The following TTC9C variants were observed in gnomAD, a reference collection of about 807,000 sequenced individuals.
The protein encoded by TTC9C is tetratricopeptide repeat domain 9C, also known as tetratricopeptide repeat protein 9C.
Under a neutral mutation model 22.5 loss-of-function variants are expected in TTC9C, and 15 were observed. The observed-to-expected ratio is 0.67, with a 90% CI of 0.45 to 1.03. The LOEUF is 1.03. TTC9C is among the 50% of genes least tolerant of loss of function. The probability of loss-of-function intolerance (pLI) is 0.00; values close to 1 mark genes in which losing one functional copy is unlikely to be tolerated. For missense variants in TTC9C, 244 were observed against 214.6 expected (o/e 1.14, Z -0.86); for synonymous variants, 92 against 86.8 (o/e 1.06, Z -0.33).
chr11:62,728,488 T>A lies in TTC9C; in HGVS notation c.-361T>A, dbSNP rs1293061606. ...GGTCCAATAGAAAGGCGGAAGCCAG[T>A]GTCCCAGGCGTTCTCACGCCCGCAA... On this transcript the variant is annotated 5_prime_UTR_variant, in exon 1 of 3. Coordinates refer to ENST00000316461, the MANE Select transcript of TTC9C (RefSeq NM_173810.4). 2.1e-6 allele frequency: 1 copy of A among 477,796 alleles called. No individual in the cohort carries two copies. Among genetic ancestry groups the A allele is most frequent in the African/African-American group, 2.0e-5 (1 of 51,056 alleles). 29.6% of individuals were successfully genotyped at this position (477,796 alleles called of 1,614,324 possible).
Position 62,728,731 on chromosome 11 carries a change from A to C in TTC9C, c.-118A>C, listed in dbSNP as rs1201703897. ...GTCCCTGTGGGGGGACTCTCCAGGAAGAAGGGTAATTTCCTGCCTCCTTAA... is the reference window on the plus strand; with the variant it reads ...GTCCCTGTGGGGGGACTCTCCAGGACGAAGGGTAATTTCCTGCCTCCTTAA... On this transcript the variant is annotated 5_prime_UTR_variant, in exon 1 of 3. Transcript: ENST00000316461. 1.0e-6 allele frequency: 1 copy of C among 986,336 alleles called. No individual in the cohort carries two copies. Among genetic ancestry groups the C allele is most frequent in the African/African-American group, 1.6e-5 (1 of 62,416 alleles). The allele number at this position is 986,336 out of a possible 1,614,324, so 61.1% of individuals were successfully genotyped here.
chr11:62,729,822 C>G (rs902812640), intron 1 of TTC9C, among the ~76,000 whole-genome samples: 1 of 152,072 alleles, frequency 6.6e-6, no homozygotes, highest in Non-Finnish European at 1.5e-5. Context: ...GTAATCCACG[C>G]GCCTCTACCT....
chr11:62,732,115 T>C (rs375577468), intron 1 of TTC9C, among the ~76,000 whole-genome samples: 10 of 132,396 alleles, frequency 7.6e-5, no homozygotes, highest in East Asian at 4.6e-4. Flanking sequence ...CCTGCCTCAG[T>C]CTCCCGAGTA....
chr11:62,735,024 G>C (rs2083894473), intron 1 of TTC9C, among the ~76,000 whole-genome samples: 1 of 152,148 alleles, frequency 6.6e-6, no homozygotes, highest in Non-Finnish European at 1.5e-5. Flanking sequence ...ACCCTCCCGA[G>C]TAGCTGGGAT....
chr11:62,731,460 G>T (rs932119929), intron 1 of TTC9C, among the ~76,000 whole-genome samples: 2 of 152,080 alleles, frequency 1.3e-5, no homozygotes, highest in African/African-American at 4.8e-5. Flanking sequence ...AGCCAGGCAT[G>T]GTTGTGCTTG....
chr11:62,728,545 TC>T lies in TTC9C; in HGVS notation c.-303del, dbSNP rs1678841426. On this transcript the variant is annotated 5_prime_UTR_variant, in exon 1 of 3. Transcript: ENST00000316461. ...CTGAGTAGGGCCTTGCTTGAGTTCT[TC>T]GGAAAGTCTCATCCACCCCCACATC... is the stretch of plus-strand genomic sequence containing the variant. 1.9e-6 allele frequency: 1 copy of T among 516,526 alleles called. No individual in the cohort carries two copies. The highest frequency in any genetic ancestry group is 3.7e-6 in the Non-Finnish European group (1 of 267,016). The allele number at this position is 516,526 out of a possible 1,614,324, so 32.0% of individuals were successfully genotyped here.
intron 1 of TTC9C, chr11:62,733,185 T>A (rs775258160): frequency 2.3e-4 from 301 of 1,285,458 alleles, no homozygotes; most frequent in Non-Finnish European, 3.0e-4. Flanking sequence ...ATTGCCTGAA[T>A]TGACTCCTCT....
chr11:62,728,611 C>T lies in TTC9C; in HGVS notation c.-238C>T, dbSNP rs1313259685. The T allele has an allele frequency of 1.5e-6, 1 of 649,458 alleles. No homozygotes were observed. Among genetic ancestry groups the T allele is most frequent in the African/African-American group, 1.8e-5 (1 of 56,198 alleles). 40.2% of individuals were successfully genotyped at this position (649,458 alleles called of 1,614,324 possible). A position where few individuals can be genotyped will look rare whatever the true frequency, so the allele number is the denominator to read the frequency against. On this transcript the variant is annotated 5_prime_UTR_variant, in exon 1 of 3. Transcript: ENST00000316461. ...TCACTTAATGTTGGGCTTCATTATT[C>T]CCACATCCCTTTCCTTACTACTTGC...
At chr11:62,728,405 C>G (rs1197987109), upstream of TTC9C, 1 of 405,104 alleles carries the variant, frequency 2.5e-6, no homozygotes, top group Admixed American at 3.2e-5. Context: ...TTGAAGCCCT[C>G]TGGAGTTTTA....
chr11:62,731,123 A>T (rs944488774), intron 1 of TTC9C, among the ~76,000 whole-genome samples: 19 of 152,014 alleles, frequency 1.2e-4, no homozygotes, highest in African/African-American at 1.7e-4. Flanking sequence ...TCCTGACCTC[A>T]GGTGAGCCAC....
chr11:62,735,828 A>G (rs1199666163), intron 2 of TTC9C: 2 of 302,610 alleles, frequency 6.6e-6, no homozygotes, highest in Non-Finnish European at 1.2e-5. Flanking sequence ...ATATGTTGGT[A>G]TGTCTGTTTC....
At chr11:62,732,956 C>T (rs1489100215) in intron 1 of TTC9C, among the ~76,000 whole-genome samples, 1 of 150,006 alleles carries the variant, frequency 6.7e-6, no homozygotes, top group Non-Finnish European at 1.5e-5. Context: ...TTACTTGTTT[C>T]TTCTGTATTC....
intron 1 of TTC9C, among the ~76,000 whole-genome samples, chr11:62,730,115 G>T (rs2083830222): frequency 6.6e-6 from 1 of 151,978 alleles, no homozygotes; most frequent in African/African-American, 2.4e-5. Context: ...CGCTCTTGTT[G>T]CCCAAGCTGG....
intron 1 of TTC9C, among the ~76,000 whole-genome samples, chr11:62,732,565 G>A (rs189557934): frequency 2.0e-3 from 298 of 149,526 alleles, no homozygotes; most frequent in Admixed American, 5.6e-3. Context: ...AACCAAGATC[G>A]CGCCATTGCA....
chr11:62,734,666 CA>C (rs1464672251), intron 1 of TTC9C, among the ~76,000 whole-genome samples: 1 of 151,926 alleles, frequency 6.6e-6, no homozygotes, highest in Non-Finnish European at 1.5e-5. Context: ...AAAAAAGGGA[CA>C]GGGGAGGGTC....
At chr11:62,731,729 G>C (rs988767134) in intron 1 of TTC9C, among the ~76,000 whole-genome samples, 3 of 149,414 alleles carry the variant, frequency 2.0e-5, no homozygotes, top group Admixed American at 6.7e-5. Context: ...TTGCTCTGTC[G>C]CCCAGGCTGG....
intron 1 of TTC9C, among the ~76,000 whole-genome samples, chr11:62,735,011 C>T (rs1478785864): frequency 6.6e-6 from 1 of 152,208 alleles, no homozygotes; most frequent in African/African-American, 2.4e-5. Flanking sequence ...ATTCTCTTGC[C>T]TCACCCTCCC....
In TTC9C at chr11:62,728,614, A is replaced by G. The variant is rs2134795402; in HGVS notation, c.-235A>G. On this transcript the variant is annotated 5_prime_UTR_variant, in exon 1 of 3. Transcript: ENST00000316461. ...CTTAATGTTGGGCTTCATTATTCCC[A>G]CATCCCTTTCCTTACTACTTGCCTG... The G allele has an allele frequency of 1.5e-6, 1 of 655,034 alleles. No individual in the cohort carries two copies. Among genetic ancestry groups the G allele is most frequent in the South Asian group, 1.5e-5 (1 of 66,342 alleles). 40.6% of individuals were successfully genotyped at this position (655,034 alleles called of 1,614,324 possible).
At chr11:62,731,833 C>G (rs1048478307) in intron 1 of TTC9C, among the ~76,000 whole-genome samples, 29 of 151,408 alleles carry the variant, frequency 1.9e-4, no homozygotes, top group Non-Finnish European at 3.4e-4. Flanking sequence ...AGGCGCCCAC[C>G]ACCACGCCCA....
Sources: gnomAD v4.1 joint callset for allele counts (sites outside exome capture counted in the v4.1 genomes callset) on GRCh38, gnomAD v4.1.1 for gene constraint, MANE v1.5 for transcripts, NCBI Gene and HGNC (gene_info 2026-07-23, HGNC 2026-07-21) for gene names.